The following ADGRV1 variants were observed in gnomAD, a reference collection of about 807,000 sequenced individuals.
The protein encoded by ADGRV1 is adhesion G protein-coupled receptor V1, also known as G-protein coupled receptor 98.
A neutral mutation model predicts 596.2 loss-of-function variants in ADGRV1; 359 were observed. The ratio of observed to expected loss-of-function variants is 0.60; its 90% CI spans 0.55 to 0.66. ADGRV1 has a LOEUF of 0.66. Among genes scored for constraint, ADGRV1 ranks in the 30% least tolerant of loss-of-function variants. The probability of loss-of-function intolerance (pLI) is 0.00; values close to 1 mark genes in which losing one functional copy is unlikely to be tolerated. For missense variants in ADGRV1, 7,274 were observed against 7,575.6 expected, an observed-to-expected ratio of 0.96 and a Z score of 1.48; for synonymous variants, 2,681 against 2,679.2, an observed-to-expected ratio of 1.00 and a Z score of -0.02.
chr5:90,685,862 T>G lies in ADGRV1; in HGVS notation c.6357T>G (p.Thr2119=). 6.2e-7 allele frequency: 1 copy of G among 1,612,358 alleles called. No individual in the cohort carries two copies. Among genetic ancestry groups the G allele is most frequent in the Non-Finnish European group, 8.5e-7 (1 of 1,178,834 alleles). The change falls in exon 29 of 90, where the codon ACT becomes ACG. Residue 2119 remains threonine, a synonymous_variant. Coordinates refer to ENST00000405460, the MANE Select transcript of ADGRV1 (RefSeq NM_032119.4). ...IIIANDDAFG[T]LQLSAPIVRV... The stretch of plus-strand genomic sequence containing the variant: ...TTGCCAATGATGATGCATTTGGAAC[T>G]CTTCAGCTCTCAGCACCAATTGTCC...
At chr5:91,099,591 G>A (rs183053163) in intron 86 of ADGRV1, among the ~76,000 whole-genome samples, 9 of 152,272 alleles carry the variant, frequency 5.9e-5, no homozygotes, top group African/African-American at 1.9e-4. Context: ...GGAGTGGATC[G>A]AATCAGTAGA....
rs74802139 is a variant in ADGRV1 at position 90,639,521 on chromosome 5, C to T, written c.2240+1573C>T. Among the ~76,000 whole-genome samples, 91 of 152,106 alleles carry T rather than the reference C, an allele frequency of 6.0e-4. 1 individual carries two copies. In the East Asian group the frequency reaches 0.012, roughly 21 times the overall value. ...ATAATTTTTAAGGGTTTATTTTGTT[C>T]TTCTTTTTCTATCCCCTATGGGTAA... is the stretch of plus-strand genomic sequence containing the variant. On this transcript the variant is annotated intron_variant, in intron 11 of 89. Transcript: ENST00000405460.
chr5:90,707,785 T>G (rs1163302879), intron 38 of ADGRV1, among the ~76,000 whole-genome samples: 1 of 152,162 alleles, frequency 6.6e-6, no homozygotes, highest in Non-Finnish European at 1.5e-5. Flanking sequence ...TGTTTCCACC[T>G]TTATTTGATC....
At position 90,778,850 on chromosome 5, in the gene ADGRV1, A is replaced by G. The variant is rs1438936423; in HGVS notation, c.12850-15A>G. On this transcript the variant is annotated splice_polypyrimidine_tract_variant and intron_variant, in intron 63 of 89. Coordinates refer to ENST00000405460, the MANE Select transcript of ADGRV1 (RefSeq NM_032119.4). ...TTAAACATCCAAATCAAATAAGAAA[A>G]TGCATTTTGCATAGGTTAACATCAC... 6.3e-7 allele frequency: 1 copy of G among 1,589,848 alleles called. No homozygotes were observed. Among genetic ancestry groups the G allele is most frequent in the African/African-American group, 1.3e-5 (1 of 74,256 alleles).
chr5:91,142,349 C>T (rs1795166830), intron 87 of ADGRV1, among the ~76,000 whole-genome samples: 1 of 152,118 alleles, frequency 6.6e-6, no homozygotes, highest in African/African-American at 2.4e-5. Flanking sequence ...AAAGGAAGGT[C>T]TTCCTTTTTT....
chr5:90,797,710 T>C (rs996174184), intron 70 of ADGRV1, among the ~76,000 whole-genome samples: 4 of 152,308 alleles, frequency 2.6e-5, no homozygotes, highest in Middle Eastern at 3.4e-3. Context: ...ATTCTAAAAT[T>C]GACCACATAA....
intron 70 of ADGRV1, chr5:90,792,457 T>TG (rs1419257643): frequency 1.3e-5 from 2 of 152,182 alleles, no homozygotes; most frequent in Non-Finnish European, 2.9e-5. Context: ...AGAAAACAAA[T>TG]GGGGTCTTCT....
chr5:90,827,663 C>T (rs533111143), intron 76 of ADGRV1, among the ~76,000 whole-genome samples: 3 of 152,164 alleles, frequency 2.0e-5, no homozygotes, highest in Non-Finnish European at 2.9e-5. Context: ...ATTGTATTTG[C>T]CAAATGTAGT....
At chr5:90,697,321 T>C (rs1319788072) in intron 34 of ADGRV1, among the ~76,000 whole-genome samples, 175 bp downstream of exon 34, 2 of 152,150 alleles carry the variant, frequency 1.3e-5, no homozygotes, top group Non-Finnish European at 2.9e-5. Context: ...TTTAGCCAGA[T>C]TTAGGAGCCT....
chr5:90,650,393 A>G (rs1348799649), intron 17 of ADGRV1, among the ~76,000 whole-genome samples: 2 of 152,100 alleles, frequency 1.3e-5, no homozygotes, highest in Admixed American at 6.5e-5. Context: ...AGATTTTATT[A>G]TATGCTCTTT....
At chr5:90,844,820 A>G (rs539000272) in intron 78 of ADGRV1, among the ~76,000 whole-genome samples, 1 of 152,060 alleles carries the variant, frequency 6.6e-6, no homozygotes, top group Non-Finnish European at 1.5e-5. Context: ...AGTTTTTTCC[A>G]TGGTTGATTC....
At chr5:90,822,467 T>C (rs1158567160) in intron 75 of ADGRV1, among the ~76,000 whole-genome samples, 2 of 152,186 alleles carry the variant, frequency 1.3e-5, no homozygotes, top group African/African-American at 4.8e-5. Flanking sequence ...CTGAGGGCTC[T>C]GTTCTGTTCC....
intron 33 of ADGRV1, among the ~76,000 whole-genome samples, chr5:90,695,972 C>G (rs1263863264): frequency 6.6e-6 from 1 of 151,986 alleles, no homozygotes; most frequent in Non-Finnish European, 1.5e-5. Context: ...TTACCATTAC[C>G]ATGAATTATA....
intron 1 of ADGRV1, among the ~76,000 whole-genome samples, chr5:90,576,277 C>G (rs1043335050): frequency 6.6e-6 from 1 of 151,318 alleles, no homozygotes; most frequent in African/African-American, 2.4e-5. Flanking sequence ...CCCCGCCCCA[C>G]GACAAGCCCC....
At position 91,117,364 on chromosome 5, in the gene ADGRV1, A is replaced by G. The variant is rs115078926; in HGVS notation, c.18432+15024A>G. On this transcript the variant is annotated intron_variant, in intron 87 of 89. Coordinates refer to ENST00000405460, the MANE Select transcript of ADGRV1 (RefSeq NM_032119.4). ...TATGTATTTGTAGACTGGTTATTCT[A>G]TGCCCTCAATATATATTATAATAAA... 9.8e-3 allele frequency among the ~76,000 whole-genome samples: 1,496 copies of G among 152,248 alleles called. 13 individuals are homozygous for G. Among genetic ancestry groups the G allele is most frequent in the Non-Finnish European group, 0.015 (1,039 of 67,992 alleles).
intron 88 of ADGRV1, 28 bp from the exon 89 acceptor site, chr5:91,153,193 C>G: frequency 6.4e-7 from 1 of 1,574,496 alleles, no homozygotes; most frequent in Non-Finnish European, 8.6e-7. Flanking sequence ...ATTATGGTTT[C>G]TTTTTCCCCC....
chr5:90,785,235 A>C (rs896304849), intron 67 of ADGRV1, among the ~76,000 whole-genome samples: 36 of 152,316 alleles, frequency 2.4e-4, no homozygotes, highest in African/African-American at 8.4e-4. Context: ...CCTTCCTTAC[A>C]CCTTAGACAA....
At chr5:90,746,712 T>G (rs904190459) in intron 52 of ADGRV1, among the ~76,000 whole-genome samples, 2 of 152,216 alleles carry the variant, frequency 1.3e-5, no homozygotes, top group East Asian at 3.8e-4. Flanking sequence ...CAGAGAGAGA[T>G]ATTTTATGAG....
chr5:90,563,204 A>G (rs1337009744), intron 1 of ADGRV1, among the ~76,000 whole-genome samples: 3 of 152,230 alleles, frequency 2.0e-5, no homozygotes, highest in Non-Finnish European at 2.9e-5. Flanking sequence ...TCTGAAGCAC[A>G]AGGTCCCCTG....
Sources: allele counts gnomAD v4.1 joint callset (sites outside exome capture counted in the v4.1 genomes callset), GRCh38; gene constraint gnomAD v4.1.1; transcripts MANE v1.5; gene names NCBI Gene and HGNC (gene_info 2026-07-23, HGNC 2026-07-21).